STAM2: variants seen among roughly 807,000 people sequenced by gnomAD.
The protein encoded by STAM2 is signal transducing adaptor molecule 2.
In STAM2, 51 loss-of-function variants were observed where a neutral mutation model predicts 65.6. The observed-to-expected ratio is 0.78, with a 90% CI of 0.62 to 0.98. The LOEUF is 0.98. Among genes scored for constraint, STAM2 ranks in the 50% least tolerant of loss-of-function variants. The probability of loss-of-function intolerance (pLI) is 0.00; values close to 1 mark genes in which losing one functional copy is unlikely to be tolerated. For synonymous variants in STAM2, 198 were observed against 208.4 expected, an observed-to-expected ratio of 0.95 and a Z score of 0.43; for missense variants, 584 against 617.8, an observed-to-expected ratio of 0.95 and a Z score of 0.58.
rs186460914 is a variant in STAM2, at chr2:152,160,686, C to A, written c.41-10457G>T. 2.4e-3 allele frequency among the ~76,000 whole-genome samples: 353 copies of A among 145,178 alleles called. 5 individuals carry two copies. Among genetic ancestry groups the A allele is most frequent in the African/African-American group, 8.4e-3 (330 of 39,064 alleles). On this transcript the variant is annotated intron_variant, in intron 1 of 13. Transcript: ENST00000263904. ...CCCCCGCCCGGCCAGCCACCCCGTC[C>A]GGGAGGGAGGTGGGGGGGTCAGCCC...
At chr2:152,174,317 A>G (rs916152912) in intron 1 of STAM2, among the ~76,000 whole-genome samples, 8 of 152,242 alleles carry the variant, frequency 5.3e-5, no homozygotes, top group African/African-American at 1.9e-4. Flanking sequence ...CAGGTTGCAC[A>G]AAGGTTGTAT....
At chr2:152,164,799 G>A (rs1689747419) in intron 1 of STAM2, among the ~76,000 whole-genome samples, 1 of 152,138 alleles carries the variant, frequency 6.6e-6, no homozygotes, top group Non-Finnish European at 1.5e-5. Flanking sequence ...TGAGCATAAG[G>A]GGAGCCAGGA....
intron 1 of STAM2, among the ~76,000 whole-genome samples, chr2:152,167,889 G>A (rs1013094546): frequency 6.6e-6 from 1 of 151,920 alleles, no homozygotes; most frequent in African/African-American, 2.4e-5. Context: ...CAGCCTGGGC[G>A]ACTGAGTGAG....
chr2:152,150,240 T>C lies in STAM2; in HGVS notation c.41-11A>G, dbSNP rs755727721. ...CATTCGTGGCTTTTTCTATAAAATA[T>C]ATTGGCATACACAACAATGAGGACA... is the stretch of plus-strand genomic sequence containing the variant. On this transcript the variant is annotated splice_polypyrimidine_tract_variant and intron_variant, in intron 1 of 13. Transcript: ENST00000263904. 2 of 1,568,366 alleles carry C rather than the reference T, an allele frequency of 1.3e-6. No homozygotes were observed. The highest frequency in any genetic ancestry group is 1.8e-6 in the Non-Finnish European group (2 of 1,139,308).
chr2:152,135,830 C>T (rs1346035494), intron 7 of STAM2, among the ~76,000 whole-genome samples: 2 of 152,206 alleles, frequency 1.3e-5, no homozygotes, highest in Non-Finnish European at 2.9e-5. Flanking sequence ...TGGCTCACGC[C>T]TATAATCCCA....
intron 1 of STAM2, among the ~76,000 whole-genome samples, chr2:152,167,343 A>G (rs1446620830): frequency 1.3e-5 from 2 of 152,190 alleles, no homozygotes; most frequent in African/African-American, 4.8e-5. Context: ...GCAGCCACAG[A>G]CCCATTAAGA....
Position 152,118,298 on chromosome 2 carries a change from T to G in STAM2, c.*2276A>C, listed in dbSNP as rs1437089670. The G allele has an allele frequency of 6.6e-6, 1 of 151,930 alleles. No individual in the cohort carries two copies. Among genetic ancestry groups the G allele is most frequent in the Non-Finnish European group, 1.5e-5 (1 of 67,908 alleles). The allele number at this position is 151,930 out of a possible 1,614,324, so 9.4% of individuals were successfully genotyped here. A position where few individuals can be genotyped will look rare whatever the true frequency, so the allele number is the denominator to read the frequency against. On this transcript the variant is annotated 3_prime_UTR_variant, in exon 14 of 14. Coordinates refer to ENST00000263904, the MANE Select transcript of STAM2 (RefSeq NM_005843.6). The stretch of plus-strand genomic sequence containing the variant: ...CCTGTGTTTCTTAACACCGAAAGAA[T>G]CATCAGTACACAGATTTAAAATCAT...
At chr2:152,148,355 C>A (rs1352444630) in intron 2 of STAM2, 55 bp from the exon 3 acceptor site, 4 of 1,365,058 alleles carry the variant, frequency 2.9e-6, no homozygotes, top group South Asian at 2.5e-5. Flanking sequence ...AAATTTAATT[C>A]AAACATTAAG....
At chr2:152,152,933 T>C (rs1354624770) in intron 1 of STAM2, among the ~76,000 whole-genome samples, 1 of 152,132 alleles carries the variant, frequency 6.6e-6, no homozygotes, top group Non-Finnish European at 1.5e-5. Flanking sequence ...TTTATAAAGG[T>C]TTATTAAGTT....
chr2:152,144,504 A>T (rs1427497418), intron 6 of STAM2, among the ~76,000 whole-genome samples: 1 of 152,126 alleles, frequency 6.6e-6, no homozygotes, highest in Non-Finnish European at 1.5e-5. Flanking sequence ...TGCTAGTTTT[A>T]TTATCATTTT....
At chr2:152,126,175 C>A in intron 12 of STAM2, 51 bp downstream of exon 12, 1 of 1,456,210 alleles carries the variant, frequency 6.9e-7, no homozygotes, top group Admixed American at 2.4e-5. Context: ...TTTTCTTTTA[C>A]TTTTAAAAGT....
At chr2:152,150,782 G>A (rs75495268) in intron 1 of STAM2, among the ~76,000 whole-genome samples, 1 of 152,192 alleles carries the variant, frequency 6.6e-6, no homozygotes, top group Non-Finnish European at 1.5e-5. Flanking sequence ...CTCCAGCCTG[G>A]ATGACAGGGT....
Position 152,175,662 on chromosome 2 carries a change from T to C in STAM2, c.-20A>G. 1 of 1,606,336 alleles carries C rather than the reference T, an allele frequency of 6.2e-7. No individual in the cohort carries two copies. The highest frequency in any genetic ancestry group is 8.5e-7 in the Non-Finnish European group (1 of 1,176,636). On this transcript the variant is annotated 5_prime_UTR_variant, in exon 1 of 14. Transcript: ENST00000263904. ...AGGCATCTCGCCGGCGCCCGAGCCCTAGTCGCTGCTGTCTAGCTGACACTC... is the reference window on the plus strand; with the variant it reads ...AGGCATCTCGCCGGCGCCCGAGCCCCAGTCGCTGCTGTCTAGCTGACACTC...
At chr2:152,164,045 T>G (rs1434496473) in intron 1 of STAM2, among the ~76,000 whole-genome samples, 1 of 152,090 alleles carries the variant, frequency 6.6e-6, no homozygotes, top group Non-Finnish European at 1.5e-5. Flanking sequence ...CTACTCCCTG[T>G]TCGTACACCC....
At chr2:152,155,240 T>A (rs778502643) in intron 1 of STAM2, among the ~76,000 whole-genome samples, 3 of 152,166 alleles carry the variant, frequency 2.0e-5, no homozygotes, top group Non-Finnish European at 4.4e-5. Flanking sequence ...TGGTTGCTCC[T>A]CCACATCCCA....
Position 152,144,890 on chromosome 2 carries a change from T to G in STAM2, c.515A>C (p.Lys172Thr). The G allele has an allele frequency of 6.2e-7, 1 of 1,613,440 alleles. No homozygotes were observed. The highest frequency in any genetic ancestry group is 8.5e-7 in the Non-Finnish European group (1 of 1,179,394). Reference protein sequence around the residue: ...NKNKEDEDIAKAIELSLQEQK... With the variant: ...NKNKEDEDIATAIELSLQEQK... ...ATTACATGTGCTTGATCATTTACCT[T>G]TAGCTATGTCTTCATCCTCTTTGTT... Residue 172 changes from lysine to threonine, a missense_variant and splice_region_variant, in exon 6 of 14, where the codon AAA becomes ACA. Physicochemically the swap from Lys to Thr is moderately conservative, Grantham distance 78. Coordinates refer to ENST00000263904, the MANE Select transcript of STAM2 (RefSeq NM_005843.6).
rs940199540 is a variant in STAM2 at position 152,119,840 on chromosome 2, A to G, written c.*734T>C. On this transcript the variant is annotated 3_prime_UTR_variant, in exon 14 of 14. Transcript: ENST00000263904. ...GGACTGACTAAATGCTTTATCACAC[A>G]TCTGCATTTACAAGGTCTTCACTGT... is the stretch of plus-strand genomic sequence containing the variant. 1.3e-5 allele frequency: 2 copies of G among 152,240 alleles called. No individual in the cohort carries two copies. The highest frequency in any genetic ancestry group is 2.9e-5 in the Non-Finnish European group (2 of 68,044). 9.4% of individuals were successfully genotyped at this position (152,240 alleles called of 1,614,324 possible).
In STAM2 at chr2:152,165,355, C is replaced by A. The variant is rs189398939; in HGVS notation, c.40+10248G>T. Among the ~76,000 whole-genome samples, 974 of 152,042 alleles carry A rather than the reference C, an allele frequency of 6.4e-3. 10 individuals carry two copies. The highest frequency in any genetic ancestry group is 0.023 in the African/African-American group (944 of 41,460). On this transcript the variant is annotated intron_variant, in intron 1 of 13. Coordinates refer to ENST00000263904, the MANE Select transcript of STAM2 (RefSeq NM_005843.6). ...CTGTGGCAGGAGAATTGCTTGAACC[C>A]AGGAGGCAGAGGTTGCAGTGAGCCG... is the stretch of plus-strand genomic sequence containing the variant.
At chr2:152,133,626 C>T in intron 8 of STAM2, 142 bp from the exon 9 acceptor site, 2 of 626,974 alleles carry the variant, frequency 3.2e-6, no homozygotes, top group South Asian at 2.0e-5. Flanking sequence ...ATCAATATTA[C>T]ATACGTTTAT....
Sources: allele counts gnomAD v4.1 joint callset (sites outside exome capture counted in the v4.1 genomes callset), GRCh38; gene constraint gnomAD v4.1.1; transcripts MANE v1.5; gene names NCBI Gene and HGNC (gene_info 2026-07-23, HGNC 2026-07-21).